The following MIPOL1 variants were observed in gnomAD, a reference collection of about 807,000 sequenced individuals.
MIPOL1 encodes mirror-image polydactyly 1.
MIPOL1 carries 57 observed loss-of-function variants against 60.9 expected under a neutral mutation model. The ratio of observed to expected loss-of-function variants is 0.94; its 90% CI spans 0.76 to 1.17. MIPOL1 has a LOEUF of 1.17. Ranked by LOEUF, MIPOL1 falls within the 50% of genes most tolerant of loss-of-function variation. The pLI is 0.00. For synonymous variants in MIPOL1, 179 were observed against 168.8 expected, an observed-to-expected ratio of 1.06 and a Z score of -0.47; for missense variants, 551 against 511.6, an observed-to-expected ratio of 1.08 and a Z score of -0.74.
At chr14:37,332,453 C>G (rs1567508391) in intron 9 of MIPOL1, among the ~76,000 whole-genome samples, 1 of 152,112 alleles carries the variant, frequency 6.6e-6, no homozygotes, top group African/African-American at 2.4e-5. Context: ...TTTGACTCCC[C>G]AAAACCTAAC....
chr14:37,492,567 C>A, intron 11 of MIPOL1, among the ~76,000 whole-genome samples: 1 of 152,160 alleles, frequency 6.6e-6, no homozygotes, highest in East Asian at 1.9e-4. Context: ...CAGTTATTTT[C>A]ACATATGTAG....
chr14:37,470,135 A>G (rs1297796973), intron 11 of MIPOL1, among the ~76,000 whole-genome samples: 1 of 152,208 alleles, frequency 6.6e-6, no homozygotes, highest in Non-Finnish European at 1.5e-5. Flanking sequence ...GCAGAGGGGT[A>G]TGAAATGAGA....
chr14:37,438,475 G>T (rs890923412), intron 11 of MIPOL1, among the ~76,000 whole-genome samples: 1 of 152,108 alleles, frequency 6.6e-6, no homozygotes, highest in East Asian at 1.9e-4. Context: ...TAAGGCCATC[G>T]ACAGTGGCAT....
At chr14:37,452,099 G>A (rs2094429418) in intron 11 of MIPOL1, among the ~76,000 whole-genome samples, 1 of 152,012 alleles carries the variant, frequency 6.6e-6, no homozygotes, top group Admixed American at 6.5e-5. Flanking sequence ...ACAAGCGTGA[G>A]CCACCGCGCC....
chr14:37,355,723 T>C (rs1028689651), intron 9 of MIPOL1, among the ~76,000 whole-genome samples: 1 of 137,342 alleles, frequency 7.3e-6, no homozygotes, highest in Admixed American at 7.6e-5. Context: ...TCTGCATTCT[T>C]CATGTAGTTC....
chr14:37,359,005 T>G (rs2092041553), intron 9 of MIPOL1, among the ~76,000 whole-genome samples: 1 of 152,200 alleles, frequency 6.6e-6, no homozygotes, highest in Non-Finnish European at 1.5e-5. Context: ...TGAATTAATT[T>G]CTGTATAAGG....
In MIPOL1 at chr14:37,454,195, G is replaced by A. The variant is rs1021992506; in HGVS notation, c.1031+31246G>A. Reference sequence around the variant, plus strand: ...TATATACTAGCTCTGCTCATGACCTGTGTGCCCTCTGACCAGAGCTATGCT... The same window carrying A: ...TATATACTAGCTCTGCTCATGACCTATGTGCCCTCTGACCAGAGCTATGCT... On this transcript the variant is annotated intron_variant, in intron 11 of 12. Transcript: ENST00000684589. 7.2e-5 allele frequency among the ~76,000 whole-genome samples: 11 copies of A among 152,294 alleles called. 1 individual carries two copies. The South Asian group carries it at 1.7e-3, about 23-fold the overall frequency.
chr14:37,294,572 C>T (rs186263372), intron 7 of MIPOL1, among the ~76,000 whole-genome samples: 9 of 152,060 alleles, frequency 5.9e-5, no homozygotes, highest in South Asian at 2.1e-4. Flanking sequence ...AAAAATTAGA[C>T]GAATGGATAA....
intron 11 of MIPOL1, among the ~76,000 whole-genome samples, chr14:37,445,047 T>C (rs2094310906): frequency 6.6e-6 from 1 of 152,132 alleles, no homozygotes; most frequent in African/African-American, 2.4e-5. Context: ...ACCACTCCTA[T>C]TCATTATAGT....
chr14:37,263,178 T>C (rs539299349), intron 3 of MIPOL1, among the ~76,000 whole-genome samples: 77 of 152,112 alleles, frequency 5.1e-4, no homozygotes, highest in Non-Finnish European at 7.1e-4. Flanking sequence ...GACTAAGGAA[T>C]TGAGGGTTTA....
At chr14:37,269,953 G>A (rs917619135) in intron 5 of MIPOL1, among the ~76,000 whole-genome samples, 4 of 152,014 alleles carry the variant, frequency 2.6e-5, no homozygotes, top group South Asian at 4.2e-4. Flanking sequence ...TCAGCCTCTC[G>A]AGTAGCTGGG....
At position 37,346,827 on chromosome 14, in the gene MIPOL1, A is replaced by G. The variant is rs186540785; in HGVS notation, c.829-22690A>G. Reference sequence around the variant, plus strand: ...ACCTCTTCAGCGAAAGGAACTCTAGAAAAAAAATAGACAACTTACTGGTTC... The same window carrying G: ...ACCTCTTCAGCGAAAGGAACTCTAGGAAAAAAATAGACAACTTACTGGTTC... On this transcript the variant is annotated intron_variant, in intron 9 of 12. Transcript: ENST00000684589. Among the ~76,000 whole-genome samples the G allele has an allele frequency of 1.7e-3, 255 of 152,120 alleles. 1 individual carries two copies. The highest frequency in any genetic ancestry group is 5.8e-3 in the African/African-American group (241 of 41,506).
intron 11 of MIPOL1, among the ~76,000 whole-genome samples, chr14:37,447,797 G>A (rs1464547558): frequency 6.6e-6 from 1 of 152,160 alleles, no homozygotes; most frequent in Non-Finnish European, 1.5e-5. Context: ...TTTAATTCCA[G>A]TGAGCTGTTT....
At chr14:37,286,941 T>C (rs1026757968) in intron 7 of MIPOL1, among the ~76,000 whole-genome samples, 2 of 152,148 alleles carry the variant, frequency 1.3e-5, no homozygotes, top group African/African-American at 2.4e-5. Context: ...CATAAATTAA[T>C]TGGATAAAAA....
chr14:37,486,590 G>A (rs187319915), intron 11 of MIPOL1, among the ~76,000 whole-genome samples: 68 of 152,206 alleles, frequency 4.5e-4, no homozygotes, highest in African/African-American at 1.6e-3. Flanking sequence ...TCTCTTTGTA[G>A]CATTTGTGAA....
At chr14:37,380,509 A>G (rs1442129788) in intron 10 of MIPOL1, among the ~76,000 whole-genome samples, 1 of 152,136 alleles carries the variant, frequency 6.6e-6, no homozygotes, top group East Asian at 1.9e-4. Flanking sequence ...GTCCATCAAG[A>G]CACAATAAAG....
At chr14:37,257,474 G>C (rs1353961167) in intron 3 of MIPOL1, among the ~76,000 whole-genome samples, 1 of 151,996 alleles carries the variant, frequency 6.6e-6, no homozygotes, top group African/African-American at 2.4e-5. Context: ...AAAAAATTGA[G>C]CATTGGTTTG....
At chr14:37,515,379 C>T (rs1326008241) in intron 12 of MIPOL1, among the ~76,000 whole-genome samples, 1 of 151,130 alleles carries the variant, frequency 6.6e-6, no homozygotes, top group Non-Finnish European at 1.5e-5. Context: ...AAAAAAGATT[C>T]TACAAATTCC....
At chr14:37,430,398 G>A (rs2094039698) in intron 11 of MIPOL1, among the ~76,000 whole-genome samples, 1 of 151,566 alleles carries the variant, frequency 6.6e-6, no homozygotes, top group Non-Finnish European at 1.5e-5. Context: ...TCTATTTTCA[G>A]GGCCTTTAAA....
Sources: gnomAD v4.1 joint callset for allele counts (sites outside exome capture counted in the v4.1 genomes callset) on GRCh38, gnomAD v4.1.1 for gene constraint, MANE v1.5 for transcripts, NCBI Gene and HGNC (gene_info 2026-07-23, HGNC 2026-07-21) for gene names.